Variants in OVCH2 observed in about 807,000 individuals in gnomAD.
OVCH2 encodes ovochymase 2.
A neutral mutation model predicts 73.7 loss-of-function variants in OVCH2; 88 were observed. That is an observed-to-expected ratio of 1.19 (90% CI 1.01 to 1.43). OVCH2 has a LOEUF of 1.43. OVCH2 is among the 40% of genes most tolerant of loss of function. The pLI, the probability that OVCH2 is intolerant of heterozygous loss-of-function variation, is 0.00. For synonymous variants in OVCH2, 265 were observed against 234.5 expected (o/e 1.13, Z -1.19); for missense variants, 706 against 674.5 (o/e 1.05, Z -0.52).
chr11:7,694,262 T>C (rs374091576), intron 12 of OVCH2, among the ~76,000 whole-genome samples: 3 of 152,174 alleles, frequency 2.0e-5, no homozygotes, highest in Non-Finnish European at 2.9e-5. Flanking sequence ...CTGCAGATGG[T>C]CCATTAGTGT....
Position 7,706,425 on chromosome 11 carries a change from T to G in OVCH2, c.-31A>C. ...GACTCATAGTTTTTCCCTGAAATTT[T>G]AGAGAGACTAAAGCAAACAAAAATA... On this transcript the variant is annotated 5_prime_UTR_variant, in exon 1 of 16. Coordinates refer to ENST00000533663, the MANE Select transcript of OVCH2 (RefSeq NM_198185.7). The G allele has an allele frequency of 6.5e-7, 1 of 1,546,772 alleles. No individual in the cohort carries two copies. Among genetic ancestry groups the G allele is most frequent in the Non-Finnish European group, 8.7e-7 (1 of 1,146,112 alleles).
At position 7,704,565 on chromosome 11, in the gene OVCH2, C is replaced by A; in HGVS notation, c.198G>T (p.Gln66His). 6.3e-7 allele frequency: 1 copy of A among 1,596,256 alleles called. No homozygotes were observed. The highest frequency in any genetic ancestry group is 2.2e-5 in the East Asian group (1 of 44,672). ...ATGCATAGAAGTCCTTGAGACTCACCTGCCAGGGATAGGAACCCTTCTCCA... is the reference window on the plus strand; with the variant it reads ...ATGCATAGAAGTCCTTGAGACTCACATGCCAGGGATAGGAACCCTTCTCCA... The part of the protein sequence containing the change: ...SQVEKGSYPW[Q>H]VSLKQRQKHI... The change falls in exon 2 of 16, where the codon CAG (glutamine) becomes CAT (histidine). Residue 66 changes from glutamine to histidine, a missense_variant and splice_region_variant. Transcript: ENST00000533663.
intron 14 of OVCH2, 55 bp downstream of exon 14, chr11:7,691,214 C>T (rs1856212408): frequency 6.5e-7 from 1 of 1,548,076 alleles, no homozygotes; most frequent in Non-Finnish European, 8.7e-7. Flanking sequence ...ACCTCTAATT[C>T]ACATCACAAG....
intron 12 of OVCH2, among the ~76,000 whole-genome samples, chr11:7,692,250 A>T (rs1357665768): frequency 6.6e-6 from 1 of 152,206 alleles, no homozygotes; most frequent in Non-Finnish European, 1.5e-5. Context: ...GCTTCCTAAC[A>T]TCTCTAAGAG....
At chr11:7,698,642 C>G in intron 8 of OVCH2, 108 bp downstream of exon 8, 1 of 1,191,656 alleles carries the variant, frequency 8.4e-7, no homozygotes, top group Admixed American at 2.3e-5. Context: ...AGTTTTAGAC[C>G]TACTGAGCAG....
downstream of OVCH2, among the ~76,000 whole-genome samples, chr11:7,686,881 T>C (rs1188657934): frequency 1.3e-5 from 2 of 152,116 alleles, no homozygotes; most frequent in African/African-American, 4.8e-5. Context: ...AACCACAAAG[T>C]GACACTCCCA....
Position 7,702,268 on chromosome 11 carries a change from C to G in OVCH2, c.352G>C (p.Gly118Arg), listed in dbSNP as rs748010586. The G allele has an allele frequency of 3.1e-6, 5 of 1,612,102 alleles. No individual in the cohort carries two copies. The East Asian group carries it at 8.9e-5, about 29-fold the overall frequency. Residue 118 changes from glycine to arginine, a missense_variant, in exon 4 of 16, where the codon GGA (glycine) becomes CGA (arginine). Physicochemically the swap from Gly to Arg is moderately radical, Grantham distance 125. Transcript: ENST00000533663. ...GEYDLSQTDPGEQTLTIETVI... is the reference protein window; with the variant it reads ...GEYDLSQTDPREQTLTIETVI... ...GTTTCAATAGTGAGAGTTTGCTCTC[C>G]TGGGTCTGTCTGGCTTAAGTCATAC...
Position 7,706,142 on chromosome 11 carries a change from C to T in OVCH2, c.88+165G>A, listed in dbSNP as rs902794435. Reference sequence around the variant, plus strand: ...AAATGTTTCACCCTGTGTCCTATGCCGATTGCAGGAGATAAGTCCAAAATA... The same window carrying T: ...AAATGTTTCACCCTGTGTCCTATGCTGATTGCAGGAGATAAGTCCAAAATA... On this transcript the variant is annotated intron_variant, in intron 1 of 15. Coordinates refer to ENST00000533663, the MANE Select transcript of OVCH2 (RefSeq NM_198185.7). The T allele has an allele frequency of 4.1e-5, 27 of 650,658 alleles. No individual in the cohort carries two copies. In the Middle Eastern group the frequency reaches 2.4e-3, roughly 57 times the overall value. The allele number at this position is 650,658 out of a possible 1,614,324, so 40.3% of individuals were successfully genotyped here.
downstream of OVCH2, among the ~76,000 whole-genome samples, chr11:7,684,487 T>TATATACAC (rs148272247): frequency 6.3e-5 from 9 of 143,528 alleles, no homozygotes; most frequent in East Asian, 1.2e-3. Flanking sequence ...TATATATATA[T>TATATACAC]ACACACACAT....
intron 12 of OVCH2, among the ~76,000 whole-genome samples, chr11:7,693,943 T>C (rs11041537): frequency 0.27 from 40,929 of 152,130 alleles, 5,674 homozygotes; most frequent in East Asian, 0.49. Flanking sequence ...GGTATCCAAA[T>C]GATTGGTCAC....
intron 12 of OVCH2, 126 bp from the exon 13 acceptor site, chr11:7,692,121 G>C (rs1181985632): frequency 1.5e-6 from 1 of 675,708 alleles, no homozygotes; most frequent in East Asian, 2.7e-5. Context: ...AAGTTAATGG[G>C]GTATTCAGGA....
At position 7,700,478 on chromosome 11, in the gene OVCH2, G is replaced by T; in HGVS notation, c.719C>A (p.Ser240Ter). The change falls in exon 7 of 16, where the codon TCA becomes TAA. Residue 240 changes from serine (S) to a stop codon, truncating the protein, a stop_gained. Transcript: ENST00000533663. LOFTEE classifies it high-confidence loss of function. The part of the protein sequence containing the change: ...DGGRDACQGD[S>*]GGSLMCRNKK... ...ATTCCGGCACATGAGTGAACCTCCT[G>T]AATCTCCCTGCAGAGGGAAAAAGCC... 6.2e-7 allele frequency: 1 copy of T among 1,602,286 alleles called. No homozygotes were observed. Among genetic ancestry groups the T allele is most frequent in the Non-Finnish European group, 8.5e-7 (1 of 1,174,386 alleles).
chr11:7,701,088 A>C (rs963865558), intron 6 of OVCH2, among the ~76,000 whole-genome samples: 1 of 152,154 alleles, frequency 6.6e-6, no homozygotes, highest in African/African-American at 2.4e-5. Flanking sequence ...GTCTTCCTGC[A>C]GCCCCTCACC....
At chr11:7,688,491 G>A (rs1238002718), downstream of OVCH2, among the ~76,000 whole-genome samples, 1 of 152,020 alleles carries the variant, frequency 6.6e-6, no homozygotes, top group African/African-American at 2.4e-5. Flanking sequence ...TTTTCCACCC[G>A]GGGCTTCTTT....
At chr11:7,688,904 C>T (rs934011414), downstream of OVCH2, among the ~76,000 whole-genome samples, 12 of 152,316 alleles carry the variant, frequency 7.9e-5, no homozygotes, top group Admixed American at 7.8e-4. Context: ...AATGAGACCA[C>T]AATTTGGCAC....
chr11:7,688,190 A>G (rs1454198340), downstream of OVCH2, among the ~76,000 whole-genome samples: 1 of 151,802 alleles, frequency 6.6e-6, no homozygotes, highest in Non-Finnish European at 1.5e-5. Flanking sequence ...TTTTTCCTCT[A>G]AAAATAGGCT....
At chr11:7,701,187 C>A in intron 6 of OVCH2, 137 bp downstream of exon 6, 1 of 1,174,432 alleles carries the variant, frequency 8.5e-7, no homozygotes, top group Non-Finnish European at 1.2e-6. Flanking sequence ...ATAGCTTCTT[C>A]AAGACTATTC....
Position 7,695,677 on chromosome 11 carries a change from A to G in OVCH2, c.1175T>C (p.Ile392Thr). The G allele has an allele frequency of 6.2e-7, 1 of 1,612,718 alleles. No homozygotes were observed. The highest frequency in any genetic ancestry group is 8.5e-7 in the Non-Finnish European group (1 of 1,179,726). ...KFCGESLPSSILIGSNSLRLK... is the reference protein window; with the variant it reads ...KFCGESLPSSTLIGSNSLRLK... ...CCTTAGAGAATTAGAGCCAATAAGA[A>G]TGGATGAAGGGAGGCTTTCTCCACA... The change falls in exon 11 of 16, where the codon ATT becomes ACT. Residue 392 changes from isoleucine to threonine, a missense_variant. Physicochemically the swap from Ile to Thr is moderately conservative, Grantham distance 89 (BLOSUM62 -1). Coordinates refer to ENST00000533663, the MANE Select transcript of OVCH2 (RefSeq NM_198185.7).
chr11:7,694,924 T>A, intron 12 of OVCH2, 134 bp downstream of exon 12: 1 of 992,856 alleles, frequency 1.0e-6, no homozygotes. Flanking sequence ...GACAGCTTTG[T>A]GTGTCAGGTG....
Sources: gnomAD v4.1 joint callset for allele counts (sites outside exome capture counted in the v4.1 genomes callset) on GRCh38, gnomAD v4.1.1 for gene constraint, MANE v1.5 for transcripts, NCBI Gene and HGNC (gene_info 2026-07-23, HGNC 2026-07-21) for gene names.